Variants in PPM1A observed in about 807,000 individuals in gnomAD.
PPM1A encodes the protein protein phosphatase, Mg2+/Mn2+ dependent 1A.
A neutral mutation model predicts 35.0 loss-of-function variants in PPM1A; 7 were observed. That is an observed-to-expected ratio of 0.20 (90% confidence interval 0.11 to 0.38). The LOEUF is 0.38. Among genes scored for constraint, PPM1A ranks in the 10% least tolerant of loss-of-function variants. The pLI is 1.00. For missense variants in PPM1A, 239 were observed against 467.8 expected (o/e 0.51, Z 4.51); for synonymous variants, 153 against 167.3 (o/e 0.91, Z 0.66).
chr14:60,247,491 G>GCC (rs1424765587), upstream of PPM1A, among the ~76,000 whole-genome samples: 1 of 151,810 alleles, frequency 6.6e-6, no homozygotes, highest in Non-Finnish European at 1.5e-5. Context: ...TTAGCCAGGC[G>GCC]TGGTGGCAGG....
chr14:60,249,939 C>G lies in PPM1A; in HGVS notation c.-21+262C>G, dbSNP rs1462155729. On this transcript the variant is annotated intron_variant, in intron 1 of 5. Coordinates refer to ENST00000395076, the MANE Select transcript of PPM1A (RefSeq NM_021003.5). The surrounding 1 kb of genome is among the most constrained non-coding windows in gnomAD (Gnocchi z 4.5). Reference sequence around the variant, plus strand: ...CGGTGGCGCGGGGAGGGGGCGCGACCCTCTGGCCGTCCGCGGCCGAGATGG... The same window carrying G: ...CGGTGGCGCGGGGAGGGGGCGCGACGCTCTGGCCGTCCGCGGCCGAGATGG... Among the ~76,000 whole-genome samples, 3 of 151,542 alleles carry G rather than the reference C, an allele frequency of 2.0e-5. 1 individual carries two copies. Among genetic ancestry groups the G allele is most frequent in the East Asian group, 3.9e-4 (2 of 5,088 alleles).
chr14:60,268,630 T>G (rs1884687715), intron 1 of PPM1A, among the ~76,000 whole-genome samples: 1 of 151,990 alleles, frequency 6.6e-6, no homozygotes, highest in Admixed American at 6.5e-5. Flanking sequence ...TATACTGATT[T>G]TCTTTAGTAT....
chr14:60,285,127 A>G (rs1886851353), intron 2 of PPM1A, among the ~76,000 whole-genome samples: 1 of 152,122 alleles, frequency 6.6e-6, no homozygotes, highest in Non-Finnish European at 1.5e-5. Context: ...TCATATTTCT[A>G]CTTATGAAGC....
At chr14:60,252,684 T>A (rs939207082) in intron 1 of PPM1A, among the ~76,000 whole-genome samples, 3 of 152,232 alleles carry the variant, frequency 2.0e-5, no homozygotes, top group African/African-American at 7.2e-5. Flanking sequence ...ATAAATTAAC[T>A]GACCTGGGAT....
At chr14:60,275,672 G>A (rs1885668095) in intron 1 of PPM1A, among the ~76,000 whole-genome samples, 1 of 151,652 alleles carries the variant, frequency 6.6e-6, no homozygotes, top group African/African-American at 2.4e-5. Context: ...ACAGAGTCAC[G>A]CTATTTTGCC....
chr14:60,250,405 C>G (rs1379110988), intron 1 of PPM1A: 16 of 984,528 alleles, frequency 1.6e-5, no homozygotes, highest in Non-Finnish European at 1.9e-5. Context: ...GGAGCCTTTT[C>G]TTGAAAGACA....
upstream of PPM1A, chr14:60,249,124 C>A: frequency 3.0e-6 from 2 of 672,350 alleles, no homozygotes; most frequent in Non-Finnish European, 3.7e-6. The surrounding 1 kb of genome is among the most constrained non-coding windows in gnomAD (Gnocchi z 4.5). Flanking sequence ...GCGCGCCGCG[C>A]CGCAGCTGTA....
rs1886605538 is a variant in PPM1A at position 60,283,360 on chromosome 14, T to C, written c.657T>C (p.Pro219=). The C allele has an allele frequency of 6.2e-7, 1 of 1,614,196 alleles. No individual in the cohort carries two copies. The highest frequency in any genetic ancestry group is 8.5e-7 in the Non-Finnish European group (1 of 1,180,026). Residue 219 remains proline, a synonymous_variant, in exon 2 of 6, where the codon CCT becomes CCC. Coordinates refer to ENST00000395076, the MANE Select transcript of PPM1A (RefSeq NM_021003.5). This position sits in a 1 kb window ranked among gnomAD's most constrained non-coding sequence, Gnocchi z 6.3. ...GPTEQLVSPE[P]EVHDIERSEE... ...CTGAGCAGCTTGTCTCACCAGAGCC[T>C]GAAGTCCATGATATTGAAAGATCTG...
intron 1 of PPM1A, among the ~76,000 whole-genome samples, chr14:60,255,719 G>A: frequency 6.6e-6 from 1 of 152,160 alleles, no homozygotes. Flanking sequence ...CTCTCTTCCT[G>A]AATGTTATTT....
upstream of PPM1A, among the ~76,000 whole-genome samples, chr14:60,247,587 G>C (rs1881867238): frequency 7.8e-6 from 1 of 128,862 alleles, no homozygotes; most frequent in Non-Finnish European, 1.5e-5. Flanking sequence ...CCGAGATTGT[G>C]CCACTGTACT....
Position 60,287,234 on chromosome 14 carries a change from C to T in PPM1A, c.952+1493C>T, listed in dbSNP as rs375248781. ...ATGGAATTATGAAATATTCACTTTA[C>T]GTTATTTTGTTACAATAATAAGTTT... On this transcript the variant is annotated intron_variant, in intron 3 of 5. Coordinates refer to ENST00000395076, the MANE Select transcript of PPM1A (RefSeq NM_021003.5). 5.3e-5 allele frequency: 51 copies of T among 955,430 alleles called. 1 individual carries two copies. In the South Asian group the frequency reaches 1.0e-3, roughly 19 times the overall value. 59.2% of individuals were successfully genotyped at this position (955,430 alleles called of 1,614,324 possible).
At chr14:60,254,558 C>G (rs1882828712) in intron 1 of PPM1A, among the ~76,000 whole-genome samples, 1 of 152,156 alleles carries the variant, frequency 6.6e-6, no homozygotes, top group South Asian at 2.1e-4. Flanking sequence ...GAAACTAAAT[C>G]ATTCTGATTA....
upstream of PPM1A, among the ~76,000 whole-genome samples, chr14:60,248,245 C>T (rs889712228): frequency 2.6e-5 from 4 of 152,212 alleles, no homozygotes; most frequent in Non-Finnish European, 4.4e-5. Context: ...TTAACTTTAG[C>T]TCATCTCTAC....
At chr14:60,258,456 GT>G (rs529785566) in intron 1 of PPM1A, among the ~76,000 whole-genome samples, 106 of 152,120 alleles carry the variant, frequency 7.0e-4, no homozygotes, top group South Asian at 3.9e-3. Context: ...TCATAACTAT[GT>G]TTTTTCTCTT....
chr14:60,250,578 C>T (rs772655717), intron 1 of PPM1A: 1 of 263,412 alleles, frequency 3.8e-6, no homozygotes, highest in Non-Finnish European at 5.9e-6. Flanking sequence ...AGCCCCACCT[C>T]CCCGCAAGTT....
Position 60,298,805 on chromosome 14 carries a change from T to C in PPM1A, c.*6323T>C, listed in dbSNP as rs1595391245. ...GCAGAAATATTTTTCTTAAATACAATGTGTAACAAAATTCTCCGTAGCAAC... is the reference window on the plus strand; with the variant it reads ...GCAGAAATATTTTTCTTAAATACAACGTGTAACAAAATTCTCCGTAGCAAC... On this transcript the variant is annotated 3_prime_UTR_variant, in exon 6 of 6. Coordinates refer to ENST00000395076, the MANE Select transcript of PPM1A (RefSeq NM_021003.5). 6.6e-6 allele frequency: 1 copy of C among 151,878 alleles called. No individual in the cohort carries two copies. The highest frequency in any genetic ancestry group is 1.9e-4 in the East Asian group (1 of 5,198). 9.4% of individuals were successfully genotyped at this position (151,878 alleles called of 1,614,324 possible).
chr14:60,272,719 A>G (rs1192129446), intron 1 of PPM1A, among the ~76,000 whole-genome samples: 1 of 147,652 alleles, frequency 6.8e-6, no homozygotes, highest in East Asian at 2.0e-4. Flanking sequence ...AAAAAAAGAC[A>G]CAGAAGACCC....
intron 1 of PPM1A, among the ~76,000 whole-genome samples, chr14:60,253,777 G>A (rs1189388427): frequency 1.3e-5 from 2 of 152,150 alleles, no homozygotes; most frequent in African/African-American, 4.8e-5. Flanking sequence ...ATTCTCAAGT[G>A]GTTGATATCC....
At position 60,283,682 on chromosome 14, in the gene PPM1A, CAT is replaced by C. The variant is rs1263697898; in HGVS notation, c.834+147_834+148del. ...CTGTTCACCAATTATGAAAATATATCATAGGACCACTATGTAGAAATAAATTA... is the reference window on the plus strand; with the variant it reads ...CTGTTCACCAATTATGAAAATATATCAGGACCACTATGTAGAAATAAATTA... On this transcript the variant is annotated intron_variant, in intron 2 of 5. Transcript: ENST00000395076. This position sits in a 1 kb window ranked among gnomAD's most constrained non-coding sequence, Gnocchi z 6.3. The C allele has an allele frequency of 1.3e-6, 1 of 758,592 alleles. No homozygotes were observed. The highest frequency in any genetic ancestry group is 2.1e-6 in the Non-Finnish European group (1 of 487,080). The allele number at this position is 758,592 out of a possible 1,614,324, so 47.0% of individuals were successfully genotyped here.
Sources: gnomAD v4.1 joint callset for allele counts (sites outside exome capture counted in the v4.1 genomes callset) on GRCh38, gnomAD v4.1.1 for gene constraint, Gnocchi (gnomAD v3.1) non-coding constraint, MANE v1.5 for transcripts, NCBI Gene and HGNC (gene_info 2026-07-23, HGNC 2026-07-21) for gene names.